Variants in PLA2R1 observed in about 807,000 individuals in gnomAD.
The protein encoded by PLA2R1 is secretory phospholipase A2 receptor.
PLA2R1 carries 158 observed loss-of-function variants against 195.9 expected under a neutral mutation model. That is an observed-to-expected ratio of 0.81 (90% CI 0.71 to 0.92). The LOEUF (loss-of-function observed/expected upper bound fraction) is 0.92, where lower values mean the gene tolerates loss of function less well. Ranked by LOEUF, PLA2R1 falls within the 40% of genes least tolerant of loss-of-function variation. The pLI is 0.00. For synonymous variants in PLA2R1, 586 were observed against 598.2 expected, an observed-to-expected ratio of 0.98 and a Z score of 0.30; for missense variants, 1,626 against 1,764.6, an observed-to-expected ratio of 0.92 and a Z score of 1.41.
At chr2:160,046,404 A>C (rs542062830) in intron 1 of PLA2R1, among the ~76,000 whole-genome samples, 1 of 152,138 alleles carries the variant, frequency 6.6e-6, no homozygotes, top group Non-Finnish European at 1.5e-5. Flanking sequence ...CGGGTCATGT[A>C]ATGGAGGGCA....
At chr2:159,958,718 CAG>C (rs1688259393) in intron 20 of PLA2R1, among the ~76,000 whole-genome samples, 2 of 152,156 alleles carry the variant, frequency 1.3e-5, no homozygotes, top group South Asian at 4.1e-4. Context: ...TTTTGCCCCT[CAG>C]GGTATATTTT....
At chr2:159,925,496 C>T in the PLA2R1 span, among the ~76,000 whole-genome samples, 1 of 149,342 alleles carries the variant, frequency 6.7e-6, no homozygotes, top group African/African-American at 2.5e-5. Context: ...AATCTGTTCC[C>T]TTGAACATTT....
chr2:159,951,610 C>T, intron 23 of PLA2R1, 32 bp from the exon 24 acceptor site: 1 of 1,105,774 alleles, frequency 9.0e-7, no homozygotes, highest in Non-Finnish European at 1.4e-6. Flanking sequence ...AAGTCATTTG[C>T]AGCATCTGGA....
chr2:160,045,396 T>A (rs1203012406), intron 1 of PLA2R1, among the ~76,000 whole-genome samples: 1 of 152,188 alleles, frequency 6.6e-6, no homozygotes, highest in Admixed American at 6.5e-5. Context: ...TAAGACCTAA[T>A]TGGCCATATG....
At position 159,938,898 on chromosome 2, in the gene PLA2R1, G is replaced by A. The variant is rs1686953983; in HGVS notation, c.*2880C>T. ...GAAATATTTAACCCGAAAGAAGACT[G>A]TTGTAACTGTAAGAGCCCAATATAT... On this transcript the variant is annotated 3_prime_UTR_variant, in exon 30 of 30. Coordinates refer to ENST00000283243, the MANE Select transcript of PLA2R1 (RefSeq NM_007366.5). The A allele has an allele frequency of 6.6e-6, 1 of 152,192 alleles. No individual in the cohort carries two copies. Among genetic ancestry groups the A allele is most frequent in the Admixed American group, 6.5e-5 (1 of 15,282 alleles). The allele number at this position is 152,192 out of a possible 1,614,324, so 9.4% of individuals were successfully genotyped here.
At position 159,934,668 on chromosome 2, in the gene PLA2R1, T is replaced by A. The variant is rs1686736451; in HGVS notation, c.*7110A>T. 6.6e-6 allele frequency: 1 copy of A among 152,182 alleles called. No homozygotes were observed. The highest frequency in any genetic ancestry group is 6.5e-5 in the Admixed American group (1 of 15,278). The allele number at this position is 152,182 out of a possible 1,614,324, so 9.4% of individuals were successfully genotyped here. On this transcript the variant is annotated 3_prime_UTR_variant, in exon 30 of 30. Transcript: ENST00000283243. ...TTAATATATCCAGTGGTGTCTAATA[T>A]CATAGCAAAATGTTAACTTTTTATA...
At chr2:159,963,827 A>G (rs1214109909) in intron 20 of PLA2R1, among the ~76,000 whole-genome samples, 2 of 152,196 alleles carry the variant, frequency 1.3e-5, no homozygotes, top group South Asian at 2.1e-4. Context: ...CAGTTCCTCA[A>G]AAAGCTAACT....
chr2:159,929,868 G>GTATATA (rs201374077), downstream of PLA2R1, among the ~76,000 whole-genome samples: 926 of 120,308 alleles, frequency 7.7e-3, 10 homozygotes, highest in African/African-American at 0.024. Flanking sequence ...GTGTGTGTGT[G>GTATATA]TGTGTATATA....
chr2:159,927,105 C>T (rs1038580400), downstream of PLA2R1, among the ~76,000 whole-genome samples: 3 of 152,112 alleles, frequency 2.0e-5, no homozygotes, highest in African/African-American at 7.2e-5. Context: ...TGGAGTGTGA[C>T]TTTGGAGGAA....
intron 20 of PLA2R1, among the ~76,000 whole-genome samples, chr2:159,957,847 A>T (rs913297021): frequency 6.6e-6 from 1 of 152,176 alleles, no homozygotes; most frequent in Non-Finnish European, 1.5e-5. Context: ...AATTCCAGAG[A>T]GGTCAGGAGA....
At chr2:160,042,335 G>C in intron 2 of PLA2R1, 137 bp from the exon 3 acceptor site, 1 of 632,586 alleles carries the variant, frequency 1.6e-6, no homozygotes, top group Non-Finnish European at 2.7e-6. Context: ...TGAGCCCTCA[G>C]GTCCTCACTG....
rs967522238 is a variant in PLA2R1, at chr2:160,004,598, G to A, written c.1834+1054C>T. On this transcript the variant is annotated intron_variant, in intron 11 of 29. Coordinates refer to ENST00000283243, the MANE Select transcript of PLA2R1 (RefSeq NM_007366.5). ...CGGGCCTTCAGGGAGGGAAGAGCCT[G>A]GGGCCCCTAAGCCATTTCCTCTAGA... 1.6e-4 allele frequency among the ~76,000 whole-genome samples: 24 copies of A among 152,278 alleles called. 1 individual carries two copies. The highest frequency in any genetic ancestry group is 4.4e-5 in the Non-Finnish European group (3 of 68,012).
At position 159,976,229 on chromosome 2, in the gene PLA2R1, A is replaced by G; in HGVS notation, c.2438-4T>C. On this transcript the variant is annotated splice_region_variant and splice_polypyrimidine_tract_variant and intron_variant, in intron 16 of 29. Coordinates refer to ENST00000283243, the MANE Select transcript of PLA2R1 (RefSeq NM_007366.5). The stretch of plus-strand genomic sequence containing the variant: ...TGATAAAAGAGCCAGGGTACATCTG[A>G]AAAAGAAACAGTGAAAATAATGCTG... The G allele has an allele frequency of 6.3e-7, 1 of 1,591,566 alleles. No homozygotes were observed. The highest frequency in any genetic ancestry group is 8.6e-7 in the Non-Finnish European group (1 of 1,166,370).
chr2:159,939,490 G>A lies in PLA2R1; in HGVS notation c.*2288C>T, dbSNP rs1170972713. The A allele has an allele frequency of 1.6e-5, 2 of 126,750 alleles. No individual in the cohort carries two copies. Among genetic ancestry groups the A allele is most frequent in the Non-Finnish European group, 3.2e-5 (2 of 63,380 alleles). The allele number at this position is 126,750 out of a possible 1,614,324, so 7.9% of individuals were successfully genotyped here. On this transcript the variant is annotated 3_prime_UTR_variant, in exon 30 of 30. Coordinates refer to ENST00000283243, the MANE Select transcript of PLA2R1 (RefSeq NM_007366.5). ...CACTGTACTCCTGCCTGGCAACAGAGCAAGACTCCATCTCCAAAAAAAAAA... is the reference window on the plus strand; with the variant it reads ...CACTGTACTCCTGCCTGGCAACAGAACAAGACTCCATCTCCAAAAAAAAAA...
chr2:160,037,176 C>T (rs1017134913), intron 3 of PLA2R1, among the ~76,000 whole-genome samples: 2 of 152,222 alleles, frequency 1.3e-5, no homozygotes, highest in Non-Finnish European at 2.9e-5. Flanking sequence ...TAGCCTTCTA[C>T]CTGGTCTCCA....
chr2:160,019,770 G>A (rs1382494567), intron 8 of PLA2R1, among the ~76,000 whole-genome samples: 1 of 152,032 alleles, frequency 6.6e-6, no homozygotes, highest in African/African-American at 2.4e-5. Context: ...GCTACCCTCT[G>A]CATGTTCTGC....
chr2:159,960,316 TACAC>T lies in PLA2R1; in HGVS notation c.2905-3693_2905-3690del, dbSNP rs1688353924. ...CATCACGTACAGCACAGTTTTAAAT[TACAC>T]AGCCATTTTCCTGATCGATTTACTA... is the stretch of plus-strand genomic sequence containing the variant. On this transcript the variant is annotated intron_variant, in intron 20 of 29. Transcript: ENST00000283243. 2.0e-5 allele frequency among the ~76,000 whole-genome samples: 3 copies of T among 152,276 alleles called. No homozygotes were observed. In the South Asian group the frequency reaches 6.2e-4, roughly 32 times the overall value.
chr2:160,062,204 G>A, intron 1 of PLA2R1, 91 bp downstream of exon 1: 1 of 1,039,234 alleles, frequency 9.6e-7, no homozygotes, highest in Non-Finnish European at 1.4e-6. Context: ...CGCCAGCTTG[G>A]CCCCTAGCTT....
rs67826871 is a variant in PLA2R1, at chr2:160,013,751, GTC to G, written c.1552-378_1552-377del. 8.2e-4 allele frequency among the ~76,000 whole-genome samples: 107 copies of G among 129,834 alleles called. 3 individuals are homozygous for G. The highest frequency in any genetic ancestry group is 2.0e-3 in the South Asian group (8 of 3,918). 85.2% of individuals were successfully genotyped at this position (129,834 alleles called of 152,430 possible). A position where few individuals can be genotyped will look rare whatever the true frequency, so the allele number is the denominator to read the frequency against. ...TGTGTGTGTGTGTGTGTGTGTGTGT[GTC>G]TCTCTCTCTCTGACTTACAGAATTT... On this transcript the variant is annotated intron_variant, in intron 9 of 29. Coordinates refer to ENST00000283243, the MANE Select transcript of PLA2R1 (RefSeq NM_007366.5).
Sources: allele counts gnomAD v4.1 joint callset (sites outside exome capture counted in the v4.1 genomes callset), GRCh38; gene constraint gnomAD v4.1.1; transcripts MANE v1.5; gene names NCBI Gene and HGNC (gene_info 2026-07-23, HGNC 2026-07-21).